The following AP3S2 variants were observed in gnomAD, a reference collection of about 807,000 sequenced individuals.
AP3S2 encodes AP-3 complex subunit sigma-2.
Under a neutral mutation model 23.4 loss-of-function variants are expected in AP3S2, and 22 were observed. The ratio of observed to expected loss-of-function variants is 0.94; its 90% CI spans 0.67 to 1.34. The LOEUF (loss-of-function observed/expected upper bound fraction) is 1.34. Among genes scored for constraint, AP3S2 ranks in the 40% most tolerant of loss-of-function variants. AP3S2 has a pLI of 0.00. For synonymous variants in AP3S2, 86 were observed against 87.1 expected, an observed-to-expected ratio of 0.99 and a Z score of 0.07; for missense variants, 241 against 236.9, an observed-to-expected ratio of 1.02 and a Z score of -0.11.
At chr15:89,835,810 C>T (rs1895177841) in intron 5 of AP3S2, among the ~76,000 whole-genome samples, 167 bp from the exon 6 acceptor site, 1 of 151,780 alleles carries the variant, frequency 6.6e-6, no homozygotes, top group African/African-American at 2.4e-5. Context: ...GGTGGATCAC[C>T]TGAGGTCAGG....
chr15:89,886,519 T>C (rs1182280649), intron 3 of AP3S2: 3 of 152,186 alleles, frequency 2.0e-5, no homozygotes, highest in Admixed American at 6.5e-5. Context: ...TTGCATGTCA[T>C]CCTTGCATAG....
chr15:89,866,495 T>G (rs1896124494), intron 4 of AP3S2, among the ~76,000 whole-genome samples: 1 of 151,740 alleles, frequency 6.6e-6, no homozygotes, highest in African/African-American at 2.4e-5. Context: ...TCCTTTTTTT[T>G]TTTTTTTGAA....
rs1195803665 is a variant in AP3S2, at chr15:89,834,554, G to C, written c.*961C>G. 4 of 152,246 alleles carry C rather than the reference G, an allele frequency of 2.6e-5. No homozygotes were observed. Among genetic ancestry groups the C allele is most frequent in the Admixed American group, 1.3e-4 (2 of 15,276 alleles). 9.4% of individuals were successfully genotyped at this position (152,246 alleles called of 1,614,324 possible). ...AGAATACAACTGGGACTAGGACAAT[G>C]CGGGAAGCATATTCTTCATGAGGCG... On this transcript the variant is annotated 3_prime_UTR_variant, in exon 6 of 6. Coordinates refer to ENST00000336418, the MANE Select transcript of AP3S2 (RefSeq NM_005829.5).
At chr15:89,879,022 G>A (rs934414568) in intron 3 of AP3S2, among the ~76,000 whole-genome samples, 2 of 152,136 alleles carry the variant, frequency 1.3e-5, no homozygotes, top group South Asian at 2.1e-4. Context: ...TTGGGATTAC[G>A]GGCGTGGGCC....
intron 4 of AP3S2, among the ~76,000 whole-genome samples, chr15:89,858,555 AAGAAAG>A (rs1431148595): frequency 4.0e-5 from 6 of 149,146 alleles, no homozygotes; most frequent in South Asian, 4.2e-4. Flanking sequence ...GAAAGAAAGA[AAGAAAG>A]AGAAACTCTA....
intron 4 of AP3S2, among the ~76,000 whole-genome samples, chr15:89,849,493 G>A (rs879855100): frequency 6.6e-6 from 1 of 151,652 alleles, no homozygotes; most frequent in Non-Finnish European, 1.5e-5. Context: ...CAGATTCCTG[G>A]GTAGCTGGAA....
intron 3 of AP3S2, chr15:89,877,341 G>A: frequency 7.7e-7 from 1 of 1,304,760 alleles, no homozygotes; most frequent in South Asian, 1.2e-5. Context: ...TTCTTGTTCT[G>A]ATGTCAGGTC....
chr15:89,837,637 T>C lies in AP3S2; in HGVS notation c.431A>G (p.Gln144Arg). The C allele has an allele frequency of 6.2e-7, 1 of 1,614,178 alleles. No individual in the cohort carries two copies. Among genetic ancestry groups the C allele is most frequent in the Non-Finnish European group, 8.5e-7 (1 of 1,180,010 alleles). Reference protein sequence around the residue: ...MNEIVAQIEAQNRLEKSEGGL... With the variant: ...MNEIVAQIEARNRLEKSEGGL... ...CACCTCGGATTTCTCCAGCCTGTTT[T>C]GAGCCTCAATCTGAGCCACGATTTC... The change falls in exon 5 of 6, where the codon CAA becomes CGA. Residue 144 changes from glutamine to arginine, a missense_variant. Gln to Arg is a conservative substitution (Grantham distance 43). Transcript: ENST00000336418.
intron 4 of AP3S2, among the ~76,000 whole-genome samples, chr15:89,867,916 G>T (rs1275952357): frequency 7.6e-6 from 1 of 131,716 alleles, no homozygotes; most frequent in African/African-American, 2.6e-5. Context: ...GTCCGGGAGG[G>T]AGGTGGGGGG....
chr15:89,864,862 T>C (rs953638992), intron 4 of AP3S2, among the ~76,000 whole-genome samples: 3 of 152,004 alleles, frequency 2.0e-5, no homozygotes, highest in African/African-American at 7.3e-5. Context: ...CGTTTTTAAA[T>C]CACAGGCAGA....
chr15:89,864,791 C>A (rs1896080639), intron 4 of AP3S2, among the ~76,000 whole-genome samples: 1 of 152,158 alleles, frequency 6.6e-6, no homozygotes, highest in South Asian at 2.1e-4. Context: ...ACCCACTCGC[C>A]TCAGCCTCCC....
intron 4 of AP3S2, among the ~76,000 whole-genome samples, chr15:89,849,336 T>C (rs1895577659): frequency 6.6e-6 from 1 of 152,180 alleles, no homozygotes; most frequent in South Asian, 2.1e-4. Flanking sequence ...AGTGCTTTTT[T>C]TGCAGCTCAT....
intron 4 of AP3S2, among the ~76,000 whole-genome samples, chr15:89,867,896 C>T (rs1896180697): frequency 7.6e-6 from 1 of 131,012 alleles, no homozygotes; most frequent in South Asian, 2.8e-4. Context: ...CTCCGCCCGG[C>T]AGCCACCCCG....
chr15:89,853,948 C>G (rs1336111282), intron 4 of AP3S2, among the ~76,000 whole-genome samples: 62 of 44,246 alleles, frequency 1.4e-3, no homozygotes, highest in East Asian at 3.7e-3. Context: ...AGCCTCTCCG[C>G]CCGGCAGCCA....
chr15:89,866,248 C>T (rs867937744), intron 4 of AP3S2, among the ~76,000 whole-genome samples: 4 of 114,864 alleles, frequency 3.5e-5, no homozygotes, highest in Non-Finnish European at 6.6e-5. Flanking sequence ...GGCAACAGAG[C>T]GAGACTCCGT....
chr15:89,884,213 T>C (rs1896640046), intron 3 of AP3S2, among the ~76,000 whole-genome samples: 1 of 152,214 alleles, frequency 6.6e-6, no homozygotes, highest in Admixed American at 6.5e-5. Flanking sequence ...ATCGCTCCTC[T>C]CAGCAACTAC....
intron 4 of AP3S2, chr15:89,848,968 T>C (rs1357017422): frequency 1.3e-5 from 2 of 152,232 alleles, no homozygotes; most frequent in African/African-American, 4.8e-5. Context: ...ACTCGTACTT[T>C]CATTCCAAAG....
rs2079291153 is a variant in AP3S2 at position 89,834,534 on chromosome 15, A to G, written c.*981T>C. 1 of 152,232 alleles carries G rather than the reference A, an allele frequency of 6.6e-6. No homozygotes were observed. Among genetic ancestry groups the G allele is most frequent in the South Asian group, 2.1e-4 (1 of 4,824 alleles). 9.4% of individuals were successfully genotyped at this position (152,232 alleles called of 1,614,324 possible). A position where few individuals can be genotyped will look rare whatever the true frequency, so the allele number is the denominator to read the frequency against. On this transcript the variant is annotated 3_prime_UTR_variant, in exon 6 of 6. Coordinates refer to ENST00000336418, the MANE Select transcript of AP3S2 (RefSeq NM_005829.5). The stretch of plus-strand genomic sequence containing the variant: ...TCCTGCACATAACACCTGTGAGAAT[A>G]CAACTGGGACTAGGACAATGCGGGA...
At chr15:89,881,434 TTGA>T (rs1896567727) in intron 3 of AP3S2, among the ~76,000 whole-genome samples, 1 of 152,218 alleles carries the variant, frequency 6.6e-6, no homozygotes, top group South Asian at 2.1e-4. Context: ...TACTTATTTG[TTGA>T]TGATAAGGCA....
Sources: gnomAD v4.1 joint callset for allele counts (sites outside exome capture counted in the v4.1 genomes callset) on GRCh38, gnomAD v4.1.1 for gene constraint, MANE v1.5 for transcripts, NCBI Gene and HGNC (gene_info 2026-07-23, HGNC 2026-07-21) for gene names.